STMN2: variants seen among roughly 807,000 people sequenced by gnomAD.
STMN2 encodes the protein stathmin 2.
In STMN2, 2 loss-of-function variants were observed where a neutral mutation model predicts 24.1. That is an observed-to-expected ratio of 0.08 (90% CI 0.03 to 0.26). The LOEUF (loss-of-function observed/expected upper bound fraction) is 0.26. STMN2 is among the 10% of genes least tolerant of loss of function. STMN2 has a pLI of 1.00. For missense variants in STMN2, 114 were observed against 213.6 expected, an observed-to-expected ratio of 0.53 and a Z score of 2.91; for synonymous variants, 83 against 77.5, an observed-to-expected ratio of 1.07 and a Z score of -0.37.
intron 3 of STMN2, among the ~76,000 whole-genome samples, chr8:79,651,557 C>T (rs1430165471): frequency 2.0e-5 from 3 of 152,168 alleles, no homozygotes; most frequent in Non-Finnish European, 4.4e-5. Context: ...TCAAAGCCTT[C>T]CCGTCTGAAT....
chr8:79,664,779 G>T, intron 4 of STMN2, 36 bp from the exon 5 acceptor site: 1 of 1,607,104 alleles, frequency 6.2e-7, no homozygotes, highest in Non-Finnish European at 8.5e-7. Context: ...GACAAAAAGG[G>T]CCTGTGACAT....
chr8:79,651,181 G>A (rs2130378849), intron 3 of STMN2, among the ~76,000 whole-genome samples: 1 of 152,292 alleles, frequency 6.6e-6, no homozygotes, highest in African/African-American at 2.4e-5. Flanking sequence ...GAAGTGAGCA[G>A]CCCTGAAGCA....
intron 3 of STMN2, among the ~76,000 whole-genome samples, chr8:79,643,312 A>G (rs1810152792): frequency 1.3e-5 from 2 of 151,598 alleles, no homozygotes; most frequent in African/African-American, 2.4e-5. Context: ...TTATTCTCAT[A>G]GTAAAGCTAA....
chr8:79,612,404 T>A (rs1382995700), intron 1 of STMN2, among the ~76,000 whole-genome samples: 1 of 152,160 alleles, frequency 6.6e-6, no homozygotes, highest in Non-Finnish European at 1.5e-5. Context: ...CCTAGACATG[T>A]GTATGTATAA....
chr8:79,616,345 A>C (rs1250053467), intron 1 of STMN2, among the ~76,000 whole-genome samples: 1 of 152,262 alleles, frequency 6.6e-6, no homozygotes, highest in East Asian at 1.9e-4. Flanking sequence ...ATATATAAGT[A>C]TAAACTAATT....
At chr8:79,631,529 T>C in intron 1 of STMN2, 1 of 804,568 alleles carries the variant, frequency 1.2e-6, no homozygotes, top group Non-Finnish European at 1.5e-6. Context: ...TCTTCTGATA[T>C]GTTAAAAAGG....
At chr8:79,618,672 A>G (rs1809440655) in intron 1 of STMN2, among the ~76,000 whole-genome samples, 1 of 152,210 alleles carries the variant, frequency 6.6e-6, no homozygotes, top group South Asian at 2.1e-4. Flanking sequence ...TCAAGGAGAC[A>G]TTTGCAGTAG....
intron 1 of STMN2, among the ~76,000 whole-genome samples, chr8:79,628,228 A>C (rs1423390260): frequency 6.6e-6 from 1 of 151,884 alleles, no homozygotes; most frequent in East Asian, 1.9e-4. Flanking sequence ...CAGTGGTGCC[A>C]TCTAGGCTCA....
chr8:79,616,898 CGAGA>C (rs141543143), intron 1 of STMN2, among the ~76,000 whole-genome samples: 2 of 151,494 alleles, frequency 1.3e-5, no homozygotes, highest in East Asian at 1.9e-4. Context: ...TGCGTGTGTG[CGAGA>C]GAGAGAGACA....
At chr8:79,611,386 G>A (rs370131884) in intron 1 of STMN2, among the ~76,000 whole-genome samples, 172 bp downstream of exon 1, 3 of 152,138 alleles carry the variant, frequency 2.0e-5, no homozygotes, top group East Asian at 3.9e-4. Flanking sequence ...CAGAGAAGAG[G>A]TCTATGGAAA....
chr8:79,627,897 T>A (rs1050545452), intron 1 of STMN2, among the ~76,000 whole-genome samples: 2 of 152,218 alleles, frequency 1.3e-5, no homozygotes, highest in African/African-American at 4.8e-5. Flanking sequence ...TGACATAATG[T>A]CCTTCAGGCT....
At chr8:79,661,768 C>T (rs1364337973) in intron 4 of STMN2, among the ~76,000 whole-genome samples, 2 of 152,046 alleles carry the variant, frequency 1.3e-5, no homozygotes, top group Non-Finnish European at 2.9e-5. Context: ...GATTTGAATG[C>T]AAGTCTGTTT....
rs1806572538 is a variant in STMN2 at position 79,664,984 on chromosome 8, CATT to C, written c.*113_*115del. ...TGTATGACATGGTTTAAAAAGAACT[CATT>C]ATAAAAAAAAAAAAACAAAAAAAAT... On this transcript the variant is annotated 3_prime_UTR_variant, in exon 5 of 5. Coordinates refer to ENST00000220876, the MANE Select transcript of STMN2 (RefSeq NM_007029.4). 7.5e-6 allele frequency: 5 copies of C among 666,492 alleles called. No homozygotes were observed. Among genetic ancestry groups the C allele is most frequent in the East Asian group, 4.5e-5 (1 of 22,408 alleles). The allele number at this position is 666,492 out of a possible 1,614,324, so 41.3% of individuals were successfully genotyped here. A position where few individuals can be genotyped will look rare whatever the true frequency, so the allele number is the denominator to read the frequency against.
chr8:79,664,710 A>G (rs1456506104), intron 4 of STMN2, 105 bp from the exon 5 acceptor site: 3 of 1,049,312 alleles, frequency 2.9e-6, no homozygotes, highest in Middle Eastern at 2.3e-4. Flanking sequence ...GGAAAAATTC[A>G]TAAAAGTAGA....
chr8:79,650,642 G>A (rs190536140), intron 3 of STMN2, among the ~76,000 whole-genome samples: 26 of 152,306 alleles, frequency 1.7e-4, no homozygotes, highest in African/African-American at 5.5e-4. Context: ...GGAGTTATGG[G>A]CAGCAATATC....
intron 3 of STMN2, among the ~76,000 whole-genome samples, chr8:79,644,484 C>A (rs772356428): frequency 2.0e-5 from 3 of 152,156 alleles, no homozygotes; most frequent in Non-Finnish European, 4.4e-5. Flanking sequence ...ACAGGCCCAA[C>A]CCAGAACCAA....
intron 4 of STMN2, among the ~76,000 whole-genome samples, chr8:79,656,159 A>G (rs1563448075): frequency 6.6e-6 from 1 of 152,154 alleles, no homozygotes; most frequent in Non-Finnish European, 1.5e-5. Flanking sequence ...AGGCATGAAA[A>G]CTTTTAAAGA....
intron 3 of STMN2, among the ~76,000 whole-genome samples, chr8:79,650,043 T>C (rs1810300128): frequency 6.6e-6 from 1 of 152,316 alleles, no homozygotes; most frequent in African/African-American, 2.4e-5. Flanking sequence ...GTTCCCATAA[T>C]AGCAAGATCG....
intron 1 of STMN2, among the ~76,000 whole-genome samples, chr8:79,623,662 TC>T (rs1159281258): frequency 3.3e-5 from 5 of 152,230 alleles, no homozygotes; most frequent in African/African-American, 4.8e-5. Flanking sequence ...AAAATGTGTT[TC>T]TACTTTCTCA....
Sources: gnomAD v4.1 joint callset for allele counts (sites outside exome capture counted in the v4.1 genomes callset) on GRCh38, gnomAD v4.1.1 for gene constraint, MANE v1.5 for transcripts, NCBI Gene and HGNC (gene_info 2026-07-23, HGNC 2026-07-21) for gene names.